INSM1: variants seen among roughly 807,000 people sequenced by gnomAD.
The protein encoded by INSM1 is insulinoma-associated protein 1.
A neutral mutation model predicts 21.1 loss-of-function variants in INSM1; 11 were observed. That is an observed-to-expected ratio of 0.52 (90% CI 0.33 to 0.86). INSM1 has a LOEUF of 0.86. Ranked by LOEUF, INSM1 falls within the 40% of genes least tolerant of loss-of-function variation. The probability of loss-of-function intolerance (pLI) is 0.03; values close to 1 mark genes in which losing one functional copy is unlikely to be tolerated. For missense variants in INSM1, 843 were observed against 760.1 expected (o/e 1.11, Z -1.28); for synonymous variants, 473 against 386.1 (o/e 1.23, Z -2.64).
In INSM1 at chr20:20,368,826, C is replaced by A. The variant is rs2059486675; in HGVS notation, c.559C>A (p.Pro187Thr). 2.6e-6 allele frequency: 3 copies of A among 1,141,082 alleles called. No individual in the cohort carries two copies. In the East Asian group the frequency reaches 1.1e-4, roughly 42 times the overall value. 70.7% of individuals were successfully genotyped at this position (1,141,082 alleles called of 1,614,324 possible). A position where few individuals can be genotyped will look rare whatever the true frequency, so the allele number is the denominator to read the frequency against. ...GGCGGCCCGCGGCCCGGGCCCCGGCCCCCCACTGCCCCCTGCCGCCGCCCT... is the reference window on the plus strand; with the variant it reads ...GGCGGCCCGCGGCCCGGGCCCCGGCACCCCACTGCCCCCTGCCGCCGCCCT... The part of the protein sequence containing the change: ...AEAARGPGPG[P>T]PLPPAAALRP... The change falls in exon 1 of 1, where the codon CCC becomes ACC. Residue 187 changes from proline to threonine, a missense_variant. Physicochemically the swap from Pro to Thr is conservative, Grantham distance 38 (BLOSUM62 -1). Coordinates refer to ENST00000310227, the MANE Select transcript of INSM1 (RefSeq NM_002196.3). The surrounding 1 kb of genome is among the most constrained non-coding windows in gnomAD (Gnocchi z 4.3).
Position 20,369,360 on chromosome 20 carries a change from G to A in INSM1, c.1093G>A (p.Gly365Arg). The A allele has an allele frequency of 6.6e-7, 1 of 1,504,546 alleles. No individual in the cohort carries two copies. The highest frequency in any genetic ancestry group is 8.8e-7 in the Non-Finnish European group (1 of 1,140,020). 93.2% of individuals were successfully genotyped at this position (1,504,546 alleles called of 1,614,324 possible). The stretch of plus-strand genomic sequence containing the variant: ...CGTGTCCGAGTCGGGCTCCGAGGAC[G>A]GGCTCTACGAGTGCCATCACTGCGC... The part of the protein sequence containing the change: ...GGVSESGSED[G>R]LYECHHCAKK... The change falls in exon 1 of 1, where the codon GGG becomes AGG. Residue 365 changes from glycine (G) to arginine (R), a missense_variant. Transcript: ENST00000310227. The surrounding 1 kb of genome is among the most constrained non-coding windows in gnomAD (Gnocchi z 5.6).
Position 20,369,996 on chromosome 20 carries a change from AC to A in INSM1, c.*201del, listed in dbSNP as rs1174363631. 6 of 529,446 alleles carry A rather than the reference AC, an allele frequency of 1.1e-5. No homozygotes were observed. Among genetic ancestry groups the A allele is most frequent in the South Asian group, 3.2e-5 (1 of 31,042 alleles). 32.8% of individuals were successfully genotyped at this position (529,446 alleles called of 1,614,324 possible). On this transcript the variant is annotated 3_prime_UTR_variant, in exon 1 of 1. Transcript: ENST00000310227. This position sits in a 1 kb window ranked among gnomAD's most constrained non-coding sequence, Gnocchi z 5.6. ...TACTCTCCTTTTGACTCCTTTTGGA[AC>A]CCCCACTTTTACGTTGTGTCCCTCC...
Position 20,369,868 on chromosome 20 carries a change from G to T in INSM1, c.*68G>T. The T allele has an allele frequency of 7.0e-7, 1 of 1,419,734 alleles. No homozygotes were observed. 87.9% of individuals were successfully genotyped at this position (1,419,734 alleles called of 1,614,324 possible). A position where few individuals can be genotyped will look rare whatever the true frequency, so the allele number is the denominator to read the frequency against. ...GAGACCCACAAAGAGAGTGCGCCCT[G>T]CACTCCCCGAACCCGAGTCCGCGCT... On this transcript the variant is annotated 3_prime_UTR_variant, in exon 1 of 1. Transcript: ENST00000310227. The surrounding 1 kb of genome is among the most constrained non-coding windows in gnomAD (Gnocchi z 5.6).
chr20:20,369,977 C>G lies in INSM1; in HGVS notation c.*177C>G, dbSNP rs546959524. On this transcript the variant is annotated 3_prime_UTR_variant, in exon 1 of 1. Coordinates refer to ENST00000310227, the MANE Select transcript of INSM1 (RefSeq NM_002196.3). The surrounding 1 kb of genome is among the most constrained non-coding windows in gnomAD (Gnocchi z 5.6). ...TGGCGTGACGGTAACCCCATACTCT[C>G]CTTTTGACTCCTTTTGGAACCCCCA... is the stretch of plus-strand genomic sequence containing the variant. 8.5e-6 allele frequency: 5 copies of G among 585,550 alleles called. No homozygotes were observed. Among genetic ancestry groups the G allele is most frequent in the Non-Finnish European group, 1.5e-5 (5 of 331,888 alleles). The allele number at this position is 585,550 out of a possible 1,614,324, so 36.3% of individuals were successfully genotyped here.
rs1258644855 is a variant in INSM1 at position 20,369,540 on chromosome 20, G to A, written c.1273G>A (p.Asp425Asn). 4 of 1,569,736 alleles carry A rather than the reference G, an allele frequency of 2.5e-6. No individual in the cohort carries two copies. Among genetic ancestry groups the A allele is most frequent in the Middle Eastern group, 1.7e-4 (1 of 5,852 alleles). Residue 425 changes from aspartate to asparagine, a missense_variant, in exon 1 of 1, where the codon GAC becomes AAC. Asp to Asn is a conservative substitution (Grantham distance 23). Coordinates refer to ENST00000310227, the MANE Select transcript of INSM1 (RefSeq NM_002196.3). This position sits in a 1 kb window ranked among gnomAD's most constrained non-coding sequence, Gnocchi z 5.6. ...GAAGGCGCCCCAGGAGGCGGCCGGCGACGGCGAGGGGGCCGGCGTGCTGGG... is the reference window on the plus strand; with the variant it reads ...GAAGGCGCCCCAGGAGGCGGCCGGCAACGGCGAGGGGGCCGGCGTGCTGGG... Reference protein sequence around the residue: ...DEKAPQEAAGDGEGAGVLGLS... With the variant: ...DEKAPQEAAGNGEGAGVLGLS...
In INSM1 at chr20:20,368,186, A is replaced by C; in HGVS notation, c.-82A>C. The C allele has an allele frequency of 1.0e-6, 1 of 981,758 alleles. No individual in the cohort carries two copies. Among genetic ancestry groups the C allele is most frequent in the Non-Finnish European group, 1.2e-6 (1 of 813,884 alleles). 60.8% of individuals were successfully genotyped at this position (981,758 alleles called of 1,614,324 possible). On this transcript the variant is annotated 5_prime_UTR_variant, in exon 1 of 1. It removes an upstream start codon present in the reference 5' UTR. Transcript: ENST00000310227. This position sits in a 1 kb window ranked among gnomAD's most constrained non-coding sequence, Gnocchi z 4.3. ...GTCCCGCAGCCGCCGCGCCCGGGCA[A>C]TGGGCCGGGGGCACTGAGGGCCGCC...
chr20:20,368,499 C>A lies in INSM1; in HGVS notation c.232C>A (p.Pro78Thr). The change falls in exon 1 of 1, where the codon CCA (proline) becomes ACA (threonine). Residue 78 changes from proline to threonine, a missense_variant. Physicochemically the swap from Pro to Thr is conservative, Grantham distance 38. Coordinates refer to ENST00000310227, the MANE Select transcript of INSM1 (RefSeq NM_002196.3). The surrounding 1 kb of genome is among the most constrained non-coding windows in gnomAD (Gnocchi z 4.3). ...AALACAPGPQ[P>T]PPQGPRAAHF... The stretch of plus-strand genomic sequence containing the variant: ...GCTTGCCTGCGCGCCTGGGCCGCAG[C>A]CACCCCCGCAGGGCCCGCGGGCCGC... 8.5e-7 allele frequency: 1 copy of A among 1,171,402 alleles called. No homozygotes were observed. Among genetic ancestry groups the A allele is most frequent in the Non-Finnish European group, 1.1e-6 (1 of 939,208 alleles). The allele number at this position is 1,171,402 out of a possible 1,614,324, so 72.6% of individuals were successfully genotyped here. A position where few individuals can be genotyped will look rare whatever the true frequency, so the allele number is the denominator to read the frequency against.
rs1318025904 is a variant in INSM1, at chr20:20,368,474, G to A, written c.207G>A (p.Ala69=). ...AERAHAALAA[A]LACAPGPQPP... is the part of the protein sequence containing the mutation. ...GCGCCCATGCAGCGCTCGCCGCCGC[G>A]CTTGCCTGCGCGCCTGGGCCGCAGC... Residue 69 remains alanine, a synonymous_variant, in exon 1 of 1, where the codon GCG becomes GCA. Coordinates refer to ENST00000310227, the MANE Select transcript of INSM1 (RefSeq NM_002196.3). The surrounding 1 kb of genome is among the most constrained non-coding windows in gnomAD (Gnocchi z 4.3). 10 of 1,091,842 alleles carry A rather than the reference G, an allele frequency of 9.2e-6. No individual in the cohort carries two copies. Among genetic ancestry groups the A allele is most frequent in the Non-Finnish European group, 1.1e-5 (10 of 892,776 alleles). The allele number at this position is 1,091,842 out of a possible 1,614,324, so 67.6% of individuals were successfully genotyped here.
In INSM1 at chr20:20,370,086, T is replaced by C; in HGVS notation, c.*286T>C. The C allele has an allele frequency of 2.6e-6, 1 of 382,816 alleles. No individual in the cohort carries two copies. Among genetic ancestry groups the C allele is most frequent in the Admixed American group, 4.4e-5 (1 of 22,830 alleles). 23.7% of individuals were successfully genotyped at this position (382,816 alleles called of 1,614,324 possible). On this transcript the variant is annotated 3_prime_UTR_variant, in exon 1 of 1. Transcript: ENST00000310227. ...TACAAGGGAGAAAAGCTGTACGCGT[T>C]TGTCTCGTGGTTGGAAGCCTCCCCT... is the stretch of plus-strand genomic sequence containing the variant.
Position 20,369,399 on chromosome 20 carries a change from C to T in INSM1, c.1132C>T (p.Arg378Cys), listed in dbSNP as rs377333005. ...CCATCACTGCGCCAAGAAGTTCCGC[C>T]GCCAGGCCTACCTACGCAAGCACCT... ...ECHHCAKKFR[R>C]QAYLRKHLLA... is the part of the protein sequence containing the mutation. Residue 378 changes from arginine to cysteine, a missense_variant, in exon 1 of 1, where the codon CGC (arginine) becomes TGC (cysteine). By Grantham distance (180) the Arg-to-Cys change is radical. Coordinates refer to ENST00000310227, the MANE Select transcript of INSM1 (RefSeq NM_002196.3). This position sits in a 1 kb window ranked among gnomAD's most constrained non-coding sequence, Gnocchi z 5.6. The T allele has an allele frequency of 4.5e-6, 7 of 1,553,540 alleles. No individual in the cohort carries two copies. Among genetic ancestry groups the T allele is most frequent in the Non-Finnish European group, 6.0e-6 (7 of 1,161,156 alleles).
Position 20,368,104 on chromosome 20 carries a change from A to C in INSM1, c.-164A>C. ...AAGGGAGCGGCTGCCGGGCCCGGGGACAGGGACGCGCGTGCAGGGCGCAGA... is the reference window on the plus strand; with the variant it reads ...AAGGGAGCGGCTGCCGGGCCCGGGGCCAGGGACGCGCGTGCAGGGCGCAGA... On this transcript the variant is annotated 5_prime_UTR_variant, in exon 1 of 1. Transcript: ENST00000310227. This position sits in a 1 kb window ranked among gnomAD's most constrained non-coding sequence, Gnocchi z 4.3. The C allele has an allele frequency of 3.0e-6, 1 of 329,300 alleles. No individual in the cohort carries two copies. The highest frequency in any genetic ancestry group is 4.5e-6 in the Non-Finnish European group (1 of 222,194). The allele number at this position is 329,300 out of a possible 1,614,324, so 20.4% of individuals were successfully genotyped here. A position where few individuals can be genotyped will look rare whatever the true frequency, so the allele number is the denominator to read the frequency against.
rs1413354421 is a variant in INSM1 at position 20,368,545 on chromosome 20, C to T, written c.278C>T (p.Ala93Val). ...PRAAHFGNPE[A>V]AHPAPLYSPT... Reference sequence around the variant, plus strand: ...GCCGCGCACTTCGGCAACCCCGAGGCTGCGCACCCCGCGCCGCTCTACAGT... The same window carrying T: ...GCCGCGCACTTCGGCAACCCCGAGGTTGCGCACCCCGCGCCGCTCTACAGT... The change falls in exon 1 of 1, where the codon GCT (alanine) becomes GTT (valine). Residue 93 changes from alanine (A) to valine (V), a missense_variant. Physicochemically the swap from Ala to Val is moderately conservative, Grantham distance 64. Transcript: ENST00000310227. The surrounding 1 kb of genome is among the most constrained non-coding windows in gnomAD (Gnocchi z 4.3). The T allele has an allele frequency of 7.2e-7, 1 of 1,379,638 alleles. No individual in the cohort carries two copies. Among genetic ancestry groups the T allele is most frequent in the Non-Finnish European group, 9.5e-7 (1 of 1,047,468 alleles). 85.5% of individuals were successfully genotyped at this position (1,379,638 alleles called of 1,614,324 possible). A position where few individuals can be genotyped will look rare whatever the true frequency, so the allele number is the denominator to read the frequency against.
At position 20,370,081 on chromosome 20, in the gene INSM1, C is replaced by T; in HGVS notation, c.*281C>T. 2.5e-6 allele frequency: 1 copy of T among 394,642 alleles called. No individual in the cohort carries two copies. The allele number at this position is 394,642 out of a possible 1,614,324, so 24.4% of individuals were successfully genotyped here. A position where few individuals can be genotyped will look rare whatever the true frequency, so the allele number is the denominator to read the frequency against. On this transcript the variant is annotated 3_prime_UTR_variant, in exon 1 of 1. Transcript: ENST00000310227. ...TTCTGTACAAGGGAGAAAAGCTGTA[C>T]GCGTTTGTCTCGTGGTTGGAAGCCT...
In INSM1 at chr20:20,369,442, C is replaced by T. The variant is rs1380660612; in HGVS notation, c.1175C>T (p.Ala392Val). The change falls in exon 1 of 1, where the codon GCG becomes GTG. Residue 392 changes from alanine to valine, a missense_variant. Ala to Val is a moderately conservative substitution (Grantham distance 64). Transcript: ENST00000310227. The surrounding 1 kb of genome is among the most constrained non-coding windows in gnomAD (Gnocchi z 5.6). The stretch of plus-strand genomic sequence containing the variant: ...AAGCACCTGCTGGCGCACCACCAGG[C>T]GCTGCAGGCCAAGGGCGCGCCGCTA... Reference protein sequence around the residue: ...LRKHLLAHHQALQAKGAPLAP... With the variant: ...LRKHLLAHHQVLQAKGAPLAP... 5.8e-6 allele frequency: 9 copies of T among 1,541,998 alleles called. No individual in the cohort carries two copies. Among genetic ancestry groups the T allele is most frequent in the Non-Finnish European group, 7.8e-6 (9 of 1,154,744 alleles).
chr20:20,369,715 G>A lies in INSM1; in HGVS notation c.1448G>A (p.Gly483Asp), dbSNP rs1010989309. ...YCPATFYSSP[G>D]LTRHINKCHP... Reference sequence around the variant, plus strand: ...CCGGCCACCTTCTACAGCTCGCCCGGCCTTACGCGGCACATCAACAAGTGC... The same window carrying A: ...CCGGCCACCTTCTACAGCTCGCCCGACCTTACGCGGCACATCAACAAGTGC... The change falls in exon 1 of 1, where the codon GGC becomes GAC. Residue 483 changes from glycine (G) to aspartate (D), a missense_variant. Coordinates refer to ENST00000310227, the MANE Select transcript of INSM1 (RefSeq NM_002196.3). This position sits in a 1 kb window ranked among gnomAD's most constrained non-coding sequence, Gnocchi z 5.6. The A allele has an allele frequency of 6.2e-7, 1 of 1,601,414 alleles. No individual in the cohort carries two copies. Among genetic ancestry groups the A allele is most frequent in the Admixed American group, 1.7e-5 (1 of 59,998 alleles).
In INSM1 at chr20:20,368,807, C is replaced by A; in HGVS notation, c.540C>A (p.Ala180=). The stretch of plus-strand genomic sequence containing the variant: ...CGTTCTCGGCTGGCGCCGAGGCGGC[C>A]CGCGGCCCGGGCCCCGGCCCCCCAC... ...GTAFSAGAEA[A]RGPGPGPPLP... The change falls in exon 1 of 1, where the codon GCC becomes GCA. Residue 180 remains alanine, a synonymous_variant. Coordinates refer to ENST00000310227, the MANE Select transcript of INSM1 (RefSeq NM_002196.3). This position sits in a 1 kb window ranked among gnomAD's most constrained non-coding sequence, Gnocchi z 4.3. The A allele has an allele frequency of 9.1e-7, 1 of 1,100,676 alleles. No individual in the cohort carries two copies. Among genetic ancestry groups the A allele is most frequent in the East Asian group, 4.3e-5 (1 of 23,294 alleles). The allele number at this position is 1,100,676 out of a possible 1,614,324, so 68.2% of individuals were successfully genotyped here.
rs1471937707 is a variant in INSM1 at position 20,369,296 on chromosome 20, C to A, written c.1029C>A (p.Pro343=). 8.0e-6 allele frequency: 11 copies of A among 1,371,210 alleles called. 1 individual carries two copies. The Admixed American group carries it at 4.4e-4, about 54-fold the overall frequency. The allele number at this position is 1,371,210 out of a possible 1,614,324, so 84.9% of individuals were successfully genotyped here. A position where few individuals can be genotyped will look rare whatever the true frequency, so the allele number is the denominator to read the frequency against. ...CCAGGGCTGAGGCGCGGGAGGCACC[C>A]GGCGGCGGCAGCGACCGGGACACGC... is the stretch of plus-strand genomic sequence containing the variant. ...AAARAEAREA[P]GGGSDRDTPS... Residue 343 remains proline, a synonymous_variant, in exon 1 of 1, where the codon CCC becomes CCA. Coordinates refer to ENST00000310227, the MANE Select transcript of INSM1 (RefSeq NM_002196.3). The surrounding 1 kb of genome is among the most constrained non-coding windows in gnomAD (Gnocchi z 5.6).
Position 20,368,482 on chromosome 20 carries a change from G to T in INSM1, c.215G>T (p.Cys72Phe). The change falls in exon 1 of 1, where the codon TGC becomes TTC. Residue 72 changes from cysteine to phenylalanine, a missense_variant. Transcript: ENST00000310227. The surrounding 1 kb of genome is among the most constrained non-coding windows in gnomAD (Gnocchi z 4.3). Reference sequence around the variant, plus strand: ...GCAGCGCTCGCCGCCGCGCTTGCCTGCGCGCCTGGGCCGCAGCCACCCCCG... The same window carrying T: ...GCAGCGCTCGCCGCCGCGCTTGCCTTCGCGCCTGGGCCGCAGCCACCCCCG... ...AHAALAAALA[C>F]APGPQPPPQG... 9.0e-7 allele frequency: 1 copy of T among 1,116,350 alleles called. No homozygotes were observed. Among genetic ancestry groups the T allele is most frequent in the Non-Finnish European group, 1.1e-6 (1 of 907,330 alleles). The allele number at this position is 1,116,350 out of a possible 1,614,324, so 69.2% of individuals were successfully genotyped here.
chr20:20,368,106 A>G lies in INSM1; in HGVS notation c.-162A>G. The G allele has an allele frequency of 2.9e-6, 1 of 343,602 alleles. No individual in the cohort carries two copies. Among genetic ancestry groups the G allele is most frequent in the Non-Finnish European group, 4.3e-6 (1 of 235,038 alleles). 21.3% of individuals were successfully genotyped at this position (343,602 alleles called of 1,614,324 possible). On this transcript the variant is annotated 5_prime_UTR_variant, in exon 1 of 1. Transcript: ENST00000310227. The surrounding 1 kb of genome is among the most constrained non-coding windows in gnomAD (Gnocchi z 4.3). ...GGGAGCGGCTGCCGGGCCCGGGGACAGGGACGCGCGTGCAGGGCGCAGAGC... is the reference window on the plus strand; with the variant it reads ...GGGAGCGGCTGCCGGGCCCGGGGACGGGGACGCGCGTGCAGGGCGCAGAGC...
Sources: gnomAD v4.1 joint callset for allele counts on GRCh38, gnomAD v4.1.1 for gene constraint, Gnocchi (gnomAD v3.1) non-coding constraint, MANE v1.5 for transcripts, NCBI Gene and HGNC (gene_info 2026-07-23, HGNC 2026-07-21) for gene names.